The following PLCB4 variants were observed in gnomAD, a reference collection of about 807,000 sequenced individuals.
The protein encoded by PLCB4 is 1-phosphatidylinositol 4,5-bisphosphate phosphodiesterase beta-4.
PLCB4 carries 77 observed loss-of-function variants against 178.8 expected under a neutral mutation model. The observed-to-expected ratio is 0.43, with a 90% CI of 0.36 to 0.52. The LOEUF is 0.52. Among genes scored for constraint, PLCB4 ranks in the 20% least tolerant of loss-of-function variants. PLCB4 has a pLI of 0.00. For missense variants in PLCB4, 1,024 were observed against 1,453.4 expected (o/e 0.70, Z 4.80); for synonymous variants, 496 against 490.8 (o/e 1.01, Z -0.14).
intron 2 of PLCB4, among the ~76,000 whole-genome samples, chr20:9,122,271 C>T (rs929787443): frequency 6.6e-5 from 10 of 151,968 alleles, no homozygotes; most frequent in African/African-American, 1.9e-4. Context: ...AACTATAACT[C>T]GATGTTATAT....
At chr20:9,440,514 C>G (rs2042042815) in intron 30 of PLCB4, among the ~76,000 whole-genome samples, 1 of 152,172 alleles carries the variant, frequency 6.6e-6, no homozygotes, top group Non-Finnish European at 1.5e-5. Flanking sequence ...AAAGTTGAAC[C>G]ACTGTAAGTT....
intron 3 of PLCB4, among the ~76,000 whole-genome samples, chr20:9,290,782 G>A (rs2094573464): frequency 6.6e-6 from 1 of 151,958 alleles, no homozygotes; most frequent in South Asian, 2.1e-4. Flanking sequence ...GGATATATAT[G>A]GTTATTAAAT....
rs113977467 is a variant in PLCB4, at chr20:9,430,677, G to T, written c.2525-4883G>T. ...CATTTAGGTGACATCTACATAATCC[G>T]ATAGCAGATGGCTGATGAGAGCATC... On this transcript the variant is annotated intron_variant, in intron 28 of 39. Coordinates refer to ENST00000378473, the MANE Select transcript of PLCB4 (RefSeq NM_001377142.1). 6.3e-3 allele frequency among the ~76,000 whole-genome samples: 966 copies of T among 152,272 alleles called. 13 individuals are homozygous for T. The highest frequency in any genetic ancestry group is 0.022 in the African/African-American group (911 of 41,554).
At chr20:9,111,998 A>G (rs1344352886) in intron 2 of PLCB4, among the ~76,000 whole-genome samples, 1 of 152,218 alleles carries the variant, frequency 6.6e-6, no homozygotes, top group Admixed American at 6.5e-5. Context: ...TTCTAAAATT[A>G]AAAGCAAAGA....
chr20:9,072,262 A>G (rs1484076767), intron 1 of PLCB4, among the ~76,000 whole-genome samples: 1 of 152,040 alleles, frequency 6.6e-6, no homozygotes, highest in East Asian at 1.9e-4. Flanking sequence ...ACATTTTCCT[A>G]TTTCCCTCTC....
At chr20:9,310,308 A>C (rs1441852955) in intron 4 of PLCB4, among the ~76,000 whole-genome samples, 1 of 152,240 alleles carries the variant, frequency 6.6e-6, no homozygotes, top group Non-Finnish European at 1.5e-5. Context: ...GTCATAGCAA[A>C]GGTACCTTTT....
intron 2 of PLCB4, among the ~76,000 whole-genome samples, chr20:9,184,125 G>A (rs2093291547): frequency 6.6e-6 from 1 of 152,134 alleles, no homozygotes; most frequent in Non-Finnish European, 1.5e-5. Flanking sequence ...TTAAATTGAA[G>A]GTAGAAGGCA....
intron 1 of PLCB4, among the ~76,000 whole-genome samples, chr20:9,083,488 A>C (rs1283227606): frequency 3.0e-5 from 1 of 33,820 alleles, no homozygotes; most frequent in Non-Finnish European, 4.4e-5. Flanking sequence ...GCTTTGCAAT[A>C]TTTTAAAAAT....
At chr20:9,396,020 C>G (rs1395564724) in intron 19 of PLCB4, among the ~76,000 whole-genome samples, 1 of 152,154 alleles carries the variant, frequency 6.6e-6, no homozygotes, top group Non-Finnish European at 1.5e-5. Context: ...TCAGAAGACC[C>G]TTTTATATAA....
At chr20:9,229,873 C>T (rs1407245654) in intron 3 of PLCB4, among the ~76,000 whole-genome samples, 1 of 151,982 alleles carries the variant, frequency 6.6e-6, no homozygotes, top group African/African-American at 2.4e-5. Context: ...TGCCCTCTAA[C>T]ATTTTTTTTG....
At position 9,419,094 on chromosome 20, in the gene PLCB4, T is replaced by C. The variant is rs565780408; in HGVS notation, c.2052-713T>C. ...GAGTTTTTTTTTATTTATGGGATCATGTCATCTGTGACTAGAAATAGGCTT... is the reference window on the plus strand; with the variant it reads ...GAGTTTTTTTTTATTTATGGGATCACGTCATCTGTGACTAGAAATAGGCTT... On this transcript the variant is annotated intron_variant, in intron 25 of 39. Transcript: ENST00000378473. 5.3e-5 allele frequency among the ~76,000 whole-genome samples: 8 copies of C among 152,292 alleles called. No homozygotes were observed. The South Asian group carries it at 1.7e-3, about 32-fold the overall frequency.
chr20:9,352,867 T>C (rs1212357054), intron 7 of PLCB4, among the ~76,000 whole-genome samples: 1 of 152,230 alleles, frequency 6.6e-6, no homozygotes, highest in Non-Finnish European at 1.5e-5. Context: ...CCCATGCTAA[T>C]AGATGGCAGC....
At chr20:9,258,190 C>G (rs2094256831) in intron 3 of PLCB4, among the ~76,000 whole-genome samples, 1 of 152,126 alleles carries the variant, frequency 6.6e-6, no homozygotes, top group Non-Finnish European at 1.5e-5. Flanking sequence ...TTTAAAGTAT[C>G]TCTAGTGTTA....
At chr20:9,235,320 A>C (rs1225855505) in intron 3 of PLCB4, among the ~76,000 whole-genome samples, 3 of 152,188 alleles carry the variant, frequency 2.0e-5, no homozygotes, top group Non-Finnish European at 4.4e-5. Flanking sequence ...ACTGAAGTTG[A>C]ATGGACAAAT....
intron 2 of PLCB4, among the ~76,000 whole-genome samples, chr20:9,110,316 C>T (rs1459656921): frequency 6.6e-6 from 1 of 151,906 alleles, no homozygotes; most frequent in Non-Finnish European, 1.5e-5. Context: ...AAATATGAAT[C>T]TTTAAAACAT....
chr20:9,252,602 G>A (rs2094192746), intron 3 of PLCB4, among the ~76,000 whole-genome samples: 1 of 152,062 alleles, frequency 6.6e-6, no homozygotes, highest in African/African-American at 2.4e-5. Flanking sequence ...AATTTTATAT[G>A]TCAACTTGAC....
chr20:9,279,700 C>T (rs987644470), intron 3 of PLCB4, among the ~76,000 whole-genome samples: 5 of 151,742 alleles, frequency 3.3e-5, no homozygotes, highest in Non-Finnish European at 7.4e-5. Flanking sequence ...AAAATTAGAC[C>T]GTACATAAAA....
At chr20:9,370,152 C>G (rs1048447641) in intron 9 of PLCB4, among the ~76,000 whole-genome samples, 2 of 152,140 alleles carry the variant, frequency 1.3e-5, no homozygotes, top group African/African-American at 4.8e-5. Flanking sequence ...TTTATCATCA[C>G]CAGGAAGTGT....
intron 2 of PLCB4, among the ~76,000 whole-genome samples, chr20:9,195,587 A>G (rs2093461488): frequency 6.6e-6 from 1 of 152,124 alleles, no homozygotes; most frequent in Admixed American, 6.6e-5. Flanking sequence ...GACATCCATC[A>G]TCTCCTGCTC....
Sources: gnomAD v4.1 joint callset for allele counts (sites outside exome capture counted in the v4.1 genomes callset) on GRCh38, gnomAD v4.1.1 for gene constraint, MANE v1.5 for transcripts, NCBI Gene and HGNC (gene_info 2026-07-23, HGNC 2026-07-21) for gene names.